EML3: variants seen among roughly 807,000 people sequenced by gnomAD.
EML3 encodes EMAP like 3.
A neutral mutation model predicts 106.7 loss-of-function variants in EML3; 53 were observed. The ratio of observed to expected loss-of-function variants is 0.50; its 90% CI spans 0.40 to 0.62. The LOEUF (loss-of-function observed/expected upper bound fraction) is 0.62. Ranked by LOEUF, EML3 falls within the 20% of genes least tolerant of loss-of-function variation. The pLI, the probability that EML3 is intolerant of heterozygous loss-of-function variation, is 0.00. For missense variants in EML3, 994 were observed against 1,209.1 expected (o/e 0.82, Z 2.64); for synonymous variants, 499 against 489.6 (o/e 1.02, Z -0.25).
intron 11 of EML3, 130 bp from the exon 12 acceptor site, chr11:62,607,229 C>T (rs1942573110): frequency 4.3e-6 from 5 of 1,158,134 alleles, no homozygotes; most frequent in Non-Finnish European, 6.1e-6. Flanking sequence ...GGGCGGGTCA[C>T]CTGAGGCCAG....
chr11:62,611,409 GT>G lies in EML3; in HGVS notation c.194+15del, dbSNP rs1942819960. 6.2e-7 allele frequency: 1 copy of G among 1,613,748 alleles called. No homozygotes were observed. ...CCCCAAGGAGGAGGAAAAATGGGGT[GT>G]GATGACATGCATACCTGTCCCCCGG... is the stretch of plus-strand genomic sequence containing the variant. On this transcript the variant is annotated intron_variant, in intron 2 of 21. Transcript: ENST00000394773.
chr11:62,609,213 T>C, intron 6 of EML3, 81 bp from the exon 7 acceptor site: 1 of 1,591,144 alleles, frequency 6.3e-7, no homozygotes. Flanking sequence ...AGCTTCTGGC[T>C]GGCAGGGCCT....
At position 62,603,244 on chromosome 11, in the gene EML3, T is replaced by C. The variant is rs750608225; in HGVS notation, c.2261A>G (p.Asp754Gly). 1 of 1,613,014 alleles carries C rather than the reference T, an allele frequency of 6.2e-7. No individual in the cohort carries two copies. Among genetic ancestry groups the C allele is most frequent in the Non-Finnish European group, 8.5e-7 (1 of 1,179,906 alleles). The change falls in exon 20 of 22, where the codon GAC (aspartate) becomes GGC (glycine). Residue 754 changes from aspartate to glycine, a missense_variant. Around this residue, in one of 3 missense-constraint regions of EML3, gnomAD observed 713 missense variants for 920.5 expected, o/e 0.77. Transcript: ENST00000394773. ...NSGDYEILYWDVAGGCKQLKN... is the reference protein window; with the variant it reads ...NSGDYEILYWGVAGGCKQLKN... ...CAGCTGCTTGCAGCCTCCAGCCACGTCCCCTGGGGAGAGGGAGCCCGCCCA... is the reference window on the plus strand; with the variant it reads ...CAGCTGCTTGCAGCCTCCAGCCACGCCCCCTGGGGAGAGGGAGCCCGCCCA...
rs768136249 is a variant in EML3 at position 62,610,945 on chromosome 11, C to G, written c.500G>C (p.Arg167Pro). ...SSSSSPSERP[R>P]QKLSRKAISS... ...GATTGCCTTCCTGGAGAGCTTCTGC[C>G]GAGGCCGCTCTGAGGGGGATGAGGA... The change falls in exon 4 of 22, where the codon CGG (arginine) becomes CCG (proline). Residue 167 changes from arginine (R) to proline (P), a missense_variant. Arg to Pro is a moderately radical substitution (Grantham distance 103). Transcript: ENST00000394773. 1 of 1,613,678 alleles carries G rather than the reference C, an allele frequency of 6.2e-7. No individual in the cohort carries two copies. Among genetic ancestry groups the G allele is most frequent in the East Asian group, 2.2e-5 (1 of 44,888 alleles).
In EML3 at chr11:62,602,489, A is replaced by T; in HGVS notation, c.2677T>A (p.Ser893Thr). 1 of 1,533,234 alleles carries T rather than the reference A, an allele frequency of 6.5e-7. No individual in the cohort carries two copies. Among genetic ancestry groups the T allele is most frequent in the Non-Finnish European group, 8.8e-7 (1 of 1,138,024 alleles). 95.0% of individuals were successfully genotyped at this position (1,533,234 alleles called of 1,614,324 possible). A position where few individuals can be genotyped will look rare whatever the true frequency, so the allele number is the denominator to read the frequency against. The change falls in exon 22 of 22, where the codon TCC becomes ACC. Residue 893 changes from serine (S) to threonine (T), a missense_variant. Ser to Thr is a moderately conservative substitution (Grantham distance 58). This residue lies in a region of EML3 where 713 missense variants were observed against 920.5 expected (regional missense o/e 0.77). Coordinates refer to ENST00000394773, the MANE Select transcript of EML3 (RefSeq NM_153265.3). ...CCAGGCAGCGATCAAACGTCGAGGG[A>T]GGAGGCGGGGGACAGGGAGGGGGTT... The part of the protein sequence containing the change: ...SRTPSLSPAS[S>T]LDV
rs1590755032 is a variant in EML3 at position 62,608,794 on chromosome 11, T to A, written c.941A>T (p.His314Leu). Reference protein sequence around the residue: ...HTDCVRCLAVHPDGVRVASGQ... With the variant: ...HTDCVRCLAVLPDGVRVASGQ... ...CGAGGCTACCCGAACACCATCAGGG[T>A]GAACAGCAAGGCTAAGGCAGGGGGA... is the stretch of plus-strand genomic sequence containing the variant. Residue 314 changes from histidine (H) to leucine (L), a missense_variant, in exon 8 of 22, where the codon CAC (histidine) becomes CTC (leucine). Transcript: ENST00000394773. 3 of 1,576,066 alleles carry A rather than the reference T, an allele frequency of 1.9e-6. No individual in the cohort carries two copies. Among genetic ancestry groups the A allele is most frequent in the Non-Finnish European group, 2.6e-6 (3 of 1,158,858 alleles).
intron 16 of EML3, 126 bp from the exon 17 acceptor site, chr11:62,604,327 A>T (rs567103643): frequency 1.8e-5 from 13 of 707,552 alleles, no homozygotes; most frequent in Non-Finnish European, 2.8e-5. Flanking sequence ...CACACACAGA[A>T]AGGCTCTGAT....
In EML3 at chr11:62,612,463, C is replaced by T; in HGVS notation, c.-6G>A. 6.9e-7 allele frequency: 1 copy of T among 1,452,200 alleles called. No homozygotes were observed. The highest frequency in any genetic ancestry group is 9.0e-7 in the Non-Finnish European group (1 of 1,110,230). 90.0% of individuals were successfully genotyped at this position (1,452,200 alleles called of 1,614,324 possible). ...GGCCCCGCGGCCCCGTCCATCCGGC[C>T]CCCGGGTTGCTCCGAGCGGCGGCGG... On this transcript the variant is annotated 5_prime_UTR_variant, in exon 1 of 22. Coordinates refer to ENST00000394773, the MANE Select transcript of EML3 (RefSeq NM_153265.3).
rs911360577 is a variant in EML3, at chr11:62,609,828, G to C, written c.567-132C>G. The C allele has an allele frequency of 1.9e-5, 14 of 723,006 alleles. No homozygotes were observed. The African/African-American group carries it at 2.5e-4, about 13-fold the overall frequency. 44.8% of individuals were successfully genotyped at this position (723,006 alleles called of 1,614,324 possible). On this transcript the variant is annotated intron_variant, in intron 4 of 21. Transcript: ENST00000394773. ...TGCAAGCCTGTAGTTTGCTTCGTGAGTATCAGGGCCCTAGTAGATGGAGAC... is the reference window on the plus strand; with the variant it reads ...TGCAAGCCTGTAGTTTGCTTCGTGACTATCAGGGCCCTAGTAGATGGAGAC...
chr11:62,605,004 C>T lies in EML3; in HGVS notation c.1982+109G>A, dbSNP rs898908370. 12 of 1,099,838 alleles carry T rather than the reference C, an allele frequency of 1.1e-5. No homozygotes were observed. The South Asian group carries it at 1.7e-4, about 15-fold the overall frequency. 68.1% of individuals were successfully genotyped at this position (1,099,838 alleles called of 1,614,324 possible). Reference sequence around the variant, plus strand: ...GGAGAGGCACAGAGGAGTGCCAAGGCGCAGGTGGCTCCTGGGTAGAGGTGG... The same window carrying T: ...GGAGAGGCACAGAGGAGTGCCAAGGTGCAGGTGGCTCCTGGGTAGAGGTGG... On this transcript the variant is annotated intron_variant, in intron 16 of 21. Transcript: ENST00000394773. This position sits in a 1 kb window ranked among gnomAD's most constrained non-coding sequence, Gnocchi z 5.2.
In EML3 at chr11:62,609,016, C is replaced by A. The variant is rs1282253642; in HGVS notation, c.875G>T (p.Gly292Val). 2.5e-6 allele frequency: 4 copies of A among 1,614,028 alleles called. 1 individual carries two copies. The Admixed American group carries it at 5.0e-5, about 20-fold the overall frequency. Residue 292 changes from glycine (G) to valine (V), a missense_variant, in exon 7 of 22, where the codon GGT becomes GTT. Physicochemically the swap from Gly to Val is moderately radical, Grantham distance 109 (BLOSUM62 -3). Coordinates refer to ENST00000394773, the MANE Select transcript of EML3 (RefSeq NM_153265.3). ...VLYRPGGGPG[G>V]PGGGGQRHYR... is the part of the protein sequence containing the mutation. ...ATGTCTCTGGCCGCCACCTCCAGGACCCCCTGGGCCTCCTCCAGGCCGGTA... is the reference window on the plus strand; with the variant it reads ...ATGTCTCTGGCCGCCACCTCCAGGAACCCCTGGGCCTCCTCCAGGCCGGTA...
intron 17 of EML3, 35 bp from the exon 18 acceptor site, chr11:62,604,076 G>C (rs1942391871): frequency 6.2e-7 from 1 of 1,614,008 alleles, no homozygotes; most frequent in African/African-American, 1.3e-5. Flanking sequence ...GGAAGGGCCA[G>C]GGACGCATGT....
chr11:62,609,121 C>A lies in EML3; in HGVS notation c.770G>T (p.Arg257Met). 1 of 1,613,998 alleles carries A rather than the reference C, an allele frequency of 6.2e-7. No homozygotes were observed. Among genetic ancestry groups the A allele is most frequent in the Non-Finnish European group, 8.5e-7 (1 of 1,180,020 alleles). The change falls in exon 7 of 22, where the codon AGG (arginine) becomes ATG (methionine). Residue 257 changes from arginine (R) to methionine (M), a missense_variant. Physicochemically the swap from Arg to Met is moderately conservative, Grantham distance 91 (BLOSUM62 -1). Coordinates refer to ENST00000394773, the MANE Select transcript of EML3 (RefSeq NM_153265.3). The stretch of plus-strand genomic sequence containing the variant: ...CAGATTAGAGCGGGAGTCACGACCC[C>A]TGTACCCATAACTGGGGTGGAGATC... The part of the protein sequence containing the change: ...TLSLDWVYGY[R>M]GRDSRSNLFV...
chr11:62,611,171 C>T lies in EML3; in HGVS notation c.368G>A (p.Gly123Glu). 1.9e-6 allele frequency: 3 copies of T among 1,605,614 alleles called. No homozygotes were observed. The South Asian group carries it at 3.3e-5, about 18-fold the overall frequency. ...AGCACCACTGCTGCTGCTGCCCCCT[C>T]CTTCAGATTGGGTCCCGCTAGGCTC... ...SEEPSGTQSEGGGSSSSGAGS... is the reference protein window; with the variant it reads ...SEEPSGTQSEEGGSSSSGAGS... The change falls in exon 3 of 22, where the codon GGA (glycine) becomes GAA (glutamate). Residue 123 changes from glycine to glutamate, a missense_variant. Gly to Glu is a moderately conservative substitution (Grantham distance 98). Around this residue, in one of 3 missense-constraint regions of EML3, gnomAD observed 269 missense variants for 265.1 expected, o/e 1.01. Transcript: ENST00000394773.
At position 62,612,627 on chromosome 11, in the gene EML3, T is replaced by G; in HGVS notation, c.-170A>C. ...CGGGGAAGGGGCCTGGAGGGGGCGC[T>G]GTGGGCCCGGGGCCGCAGTCTCCAG... On this transcript the variant is annotated 5_prime_UTR_variant, in exon 1 of 22. Transcript: ENST00000394773. 1.8e-6 allele frequency: 1 copy of G among 558,624 alleles called. No individual in the cohort carries two copies. The highest frequency in any genetic ancestry group is 2.7e-6 in the Non-Finnish European group (1 of 364,686). The allele number at this position is 558,624 out of a possible 1,614,324, so 34.6% of individuals were successfully genotyped here.
intron 12 of EML3, 102 bp downstream of exon 12, chr11:62,606,856 C>CAAAAAAAA: frequency 1.1e-6 from 1 of 915,890 alleles, no homozygotes. Context: ...GACCTCATCT[C>CAAAAAAAA]AAAAAAAAAA....
Position 62,607,770 on chromosome 11 carries a change from A to G in EML3, c.1258T>C (p.Cys420Arg), listed in dbSNP as rs1942610227. 6.2e-7 allele frequency: 1 copy of G among 1,614,088 alleles called. No homozygotes were observed. The highest frequency in any genetic ancestry group is 8.5e-7 in the Non-Finnish European group (1 of 1,179,998). ...TGAGATTTCCCACTGGTGACGATGC[A>G]GCTGCTGTCACGAGGGTTGAAGCCA... ...AVGFNPRDSSCIVTSGKSHVH... is the reference protein window; with the variant it reads ...AVGFNPRDSSRIVTSGKSHVH... Residue 420 changes from cysteine to arginine, a missense_variant, in exon 11 of 22, where the codon TGC (cysteine) becomes CGC (arginine). Physicochemically the swap from Cys to Arg is radical, Grantham distance 180. Around this residue, in one of 3 missense-constraint regions of EML3, gnomAD observed 713 missense variants for 920.5 expected, o/e 0.77. Coordinates refer to ENST00000394773, the MANE Select transcript of EML3 (RefSeq NM_153265.3).
At chr11:62,610,204 G>A (rs1214125248) in intron 4 of EML3, among the ~76,000 whole-genome samples, 3 of 152,176 alleles carry the variant, frequency 2.0e-5, no homozygotes, top group African/African-American at 4.8e-5. Context: ...TCAGGGATCC[G>A]GGAGGCAAGC....
intron 4 of EML3, among the ~76,000 whole-genome samples, chr11:62,610,515 T>A (rs767042721): frequency 5.9e-5 from 9 of 151,942 alleles, no homozygotes; most frequent in Non-Finnish European, 1.3e-4. Flanking sequence ...TCGCAGAAGG[T>A]GTGCTGTGAT....
Sources: allele counts gnomAD v4.1 joint callset (sites outside exome capture counted in the v4.1 genomes callset), GRCh38; gene constraint gnomAD v4.1.1; regional missense constraint gnomAD v4.1.1; non-coding constraint Gnocchi (gnomAD v3.1); transcripts MANE v1.5; gene names NCBI Gene and HGNC (gene_info 2026-07-23, HGNC 2026-07-21).